Variants in SLIT3 observed in about 807,000 individuals in gnomAD.
SLIT3 encodes slit homolog 3 protein.
Under a neutral mutation model 184.0 loss-of-function variants are expected in SLIT3, and 68 were observed. The ratio of observed to expected loss-of-function variants is 0.37; its 90% CI spans 0.30 to 0.45. SLIT3 has a LOEUF of 0.45. Ranked by LOEUF, SLIT3 falls within the 20% of genes least tolerant of loss-of-function variation. SLIT3 has a pLI of 1.00. For synonymous variants in SLIT3, 831 were observed against 828.6 expected (o/e 1.00, Z -0.05); for missense variants, 1,707 against 2,026.0 (o/e 0.84, Z 3.02).
At chr5:169,243,566 ATT>A (rs1180195781) in intron 3 of SLIT3, among the ~76,000 whole-genome samples, 1 of 152,192 alleles carries the variant, frequency 6.6e-6, no homozygotes, top group Non-Finnish European at 1.5e-5. Flanking sequence ...GGAGGAAAGC[ATT>A]TTTCTGGGTA....
At chr5:168,870,907 C>A (rs1759491884) in intron 5 of SLIT3, among the ~76,000 whole-genome samples, 4 of 152,190 alleles carry the variant, frequency 2.6e-5, no homozygotes. Flanking sequence ...AAGAGGAAAT[C>A]CAGACGACAG....
intron 12 of SLIT3, among the ~76,000 whole-genome samples, chr5:168,782,829 G>A (rs1288882455): frequency 6.6e-6 from 1 of 152,130 alleles, no homozygotes; most frequent in Non-Finnish European, 1.5e-5. Context: ...AAGACAATAA[G>A]GGTTGCTAGT....
At chr5:169,035,231 A>T (rs1757192679) in intron 4 of SLIT3, among the ~76,000 whole-genome samples, 1 of 152,146 alleles carries the variant, frequency 6.6e-6, no homozygotes, top group Non-Finnish European at 1.5e-5. Flanking sequence ...CTGTTATGTT[A>T]TCCAGAGGAG....
chr5:169,011,269 C>T (rs1341834413), intron 4 of SLIT3, among the ~76,000 whole-genome samples: 1 of 152,054 alleles, frequency 6.6e-6, no homozygotes, highest in Non-Finnish European at 1.5e-5. Context: ...TTGGCGTGTC[C>T]GACTCCACAT....
At chr5:169,025,250 A>G (rs1756771570) in intron 4 of SLIT3, among the ~76,000 whole-genome samples, 1 of 152,182 alleles carries the variant, frequency 6.6e-6, no homozygotes, top group African/African-American at 2.4e-5. Context: ...TTATTCAAGG[A>G]AGGAAAGGGA....
At chr5:169,089,019 CAAAAAAAAAAAAAAAA>C (rs570118972) in intron 4 of SLIT3, among the ~76,000 whole-genome samples, 96 of 25,554 alleles carry the variant, frequency 3.8e-3, no homozygotes, top group East Asian at 0.013. Context: ...GACTCCATCT[CAAAAAAAAAAAAAAAA>C]AAAAAAAAAA....
chr5:169,192,876 A>C (rs904030471), intron 4 of SLIT3, among the ~76,000 whole-genome samples: 6 of 152,310 alleles, frequency 3.9e-5, no homozygotes, highest in Middle Eastern at 3.4e-3. Flanking sequence ...CTGGGCTTCC[A>C]AATTCTCCCA....
chr5:169,085,406 G>T (rs185701198), intron 4 of SLIT3, among the ~76,000 whole-genome samples: 1 of 152,142 alleles, frequency 6.6e-6, no homozygotes. Context: ...AATCATTCCA[G>T]CAGTCAATTA....
intron 4 of SLIT3, among the ~76,000 whole-genome samples, chr5:169,132,920 GA>G (rs1351763233): frequency 1.3e-5 from 2 of 152,216 alleles, no homozygotes; most frequent in Non-Finnish European, 2.9e-5. Context: ...TTATTTTTTT[GA>G]AAAGATGACT....
rs146917219 is a variant in SLIT3, at chr5:169,217,440, G to C, written c.342-23890C>G. 1.8e-3 allele frequency among the ~76,000 whole-genome samples: 268 copies of C among 152,270 alleles called. 4 individuals are homozygous for C. The East Asian group carries it at 0.044, about 25-fold the overall frequency. ...GGCTCGACTTTGTGGCTGAGGGATT[G>C]GGACCCCAGTGTTGGATGACTGGGT... On this transcript the variant is annotated intron_variant, in intron 3 of 35. Coordinates refer to ENST00000519560, the MANE Select transcript of SLIT3 (RefSeq NM_003062.4).
chr5:168,695,574 G>A (rs1231263251), intron 28 of SLIT3, among the ~76,000 whole-genome samples: 1 of 152,162 alleles, frequency 6.6e-6, no homozygotes, highest in Non-Finnish European at 1.5e-5. Context: ...TAACAAAGCG[G>A]GCTGTGTTTG....
At chr5:169,045,990 C>T (rs542927638) in intron 4 of SLIT3, among the ~76,000 whole-genome samples, 7 of 152,240 alleles carry the variant, frequency 4.6e-5, no homozygotes, top group South Asian at 2.1e-4. Flanking sequence ...TCACTCACTA[C>T]GGACATATTG....
chr5:168,946,001 C>T (rs1581234279), intron 4 of SLIT3, among the ~76,000 whole-genome samples: 1 of 152,336 alleles, frequency 6.6e-6, no homozygotes, highest in South Asian at 2.1e-4. Context: ...AATAGCCGCA[C>T]TCTATGTACT....
chr5:168,684,196 C>A, intron 31 of SLIT3, 100 bp from the exon 32 acceptor site: 3 of 1,243,556 alleles, frequency 2.4e-6, no homozygotes, highest in Non-Finnish European at 3.3e-6. Flanking sequence ...GCTTCTGAAT[C>A]TGTGCTGCGT....
chr5:168,751,434 T>A (rs77159771), intron 18 of SLIT3, among the ~76,000 whole-genome samples: 10,910 of 152,278 alleles, frequency 0.072, 512 homozygotes, highest in Non-Finnish European at 0.1. Context: ...GCCCTTGCTG[T>A]GTGTTTTACA....
At chr5:169,269,173 G>T (rs1178016997) in intron 1 of SLIT3, among the ~76,000 whole-genome samples, 1 of 152,078 alleles carries the variant, frequency 6.6e-6, no homozygotes, top group Non-Finnish European at 1.5e-5. Flanking sequence ...CAAGGGCTGT[G>T]GGGGTTCACC....
intron 20 of SLIT3, among the ~76,000 whole-genome samples, chr5:168,734,393 C>G (rs1338930768): frequency 6.6e-6 from 1 of 152,118 alleles, no homozygotes; most frequent in African/African-American, 2.4e-5. Context: ...CTTAACCTTC[C>G]TAAAATGCCC....
At chr5:169,294,718 G>A (rs1251986605) in intron 1 of SLIT3, among the ~76,000 whole-genome samples, 2 of 152,186 alleles carry the variant, frequency 1.3e-5, no homozygotes, top group African/African-American at 2.4e-5. Context: ...ACCATTAGGC[G>A]ATTTCGTCAT....
intron 20 of SLIT3, among the ~76,000 whole-genome samples, chr5:168,736,759 C>T (rs1581020632): frequency 6.6e-6 from 1 of 152,186 alleles, no homozygotes; most frequent in East Asian, 1.9e-4. Flanking sequence ...TCAAGAGGAC[C>T]CATGTAAGCC....
Sources: gnomAD v4.1 joint callset for allele counts (sites outside exome capture counted in the v4.1 genomes callset) on GRCh38, gnomAD v4.1.1 for gene constraint, MANE v1.5 for transcripts, NCBI Gene and HGNC (gene_info 2026-07-23, HGNC 2026-07-21) for gene names.